KIAA1210: variants seen among roughly 807,000 people sequenced by gnomAD.
KIAA1210 encodes KIAA1210, also known as acrosomal protein KIAA1210.
KIAA1210 carries 48 observed loss-of-function variants against 78.9 expected under a neutral mutation model. The ratio of observed to expected loss-of-function variants is 0.61; its 90% confidence interval spans 0.48 to 0.77. The LOEUF is 0.77. Among genes scored for constraint, KIAA1210 ranks in the 30% least tolerant of loss-of-function variants. KIAA1210 has a pLI of 0.00. For missense variants in KIAA1210, 1,108 were observed against 1,100.0 expected (o/e 1.01, Z -0.10); for synonymous variants, 406 against 404.5 (o/e 1.00, Z -0.04).
In KIAA1210 at chrX:119,089,252, C is replaced by T. The variant is rs1171153668; in HGVS notation, c.1450G>A (p.Ala484Thr). 1 of 1,211,506 alleles carries T rather than the reference C, an allele frequency of 8.3e-7. No homozygotes were observed. Among genetic ancestry groups the T allele is most frequent in the Non-Finnish European group, 1.1e-6 (1 of 895,182 alleles). Residue 484 changes from alanine (A) to threonine (T), a missense_variant, in exon 9 of 12, where the codon GCT becomes ACT. Physicochemically the swap from Ala to Thr is moderately conservative, Grantham distance 58 (BLOSUM62 0). This residue lies in a region of KIAA1210 where 672 missense variants were observed against 607.1 expected (regional missense o/e 1.11). Transcript: ENST00000691062. Reference sequence around the variant, plus strand: ...GAAGCTCTGGCTTCTGTCTTCTCAGCTCCAGAAGCTGCATCTTCATGGTAT... The same window carrying T: ...GAAGCTCTGGCTTCTGTCTTCTCAGTTCCAGAAGCTGCATCTTCATGGTAT... ...QPYHEDAASG[A>T]EKTEARASLS... is the part of the protein sequence containing the mutation.
chrX:119,081,253 C>CG lies in KIAA1210; in HGVS notation c.*75dup, dbSNP rs1926946768. ...CTGCACTCCAATCTGGGTAACAGAGCGAGACTCTGTCTCAAAAAAAAAAAA... is the reference window on the plus strand; with the variant it reads ...CTGCACTCCAATCTGGGTAACAGAGCGGAGACTCTGTCTCAAAAAAAAAAAA... On this transcript the variant is annotated 3_prime_UTR_variant, in exon 12 of 12. Coordinates refer to ENST00000691062, the MANE Select transcript of KIAA1210 (RefSeq NM_001394962.1). 1.2e-6 allele frequency: 1 copy of CG among 857,097 alleles called. No individual in the cohort carries two copies. Among genetic ancestry groups the CG allele is most frequent in the African/African-American group, 2.9e-5 (1 of 34,903 alleles). The allele number at this position is 857,097 out of a possible 1,213,427, so 70.6% of individuals were successfully genotyped here.
At chrX:119,135,541 G>T (rs1928891974) in intron 2 of KIAA1210, among the ~76,000 whole-genome samples, 1 of 111,580 alleles carries the variant, frequency 9.0e-6, no homozygotes, top group African/African-American at 3.3e-5. Flanking sequence ...GAATTGAGGG[G>T]CCCTAAGGAT....
At chrX:119,137,330 A>G (rs1000359288) in intron 2 of KIAA1210, among the ~76,000 whole-genome samples, 1 of 112,528 alleles carries the variant, frequency 8.9e-6, no homozygotes, top group Non-Finnish European at 1.9e-5. Context: ...TCCAGAGCCA[A>G]TAAGTGCTAC....
chrX:119,138,211 GTTTTTTTTT>G (rs759946882), intron 2 of KIAA1210, among the ~76,000 whole-genome samples: 1 of 47,831 alleles, frequency 2.1e-5, no homozygotes, highest in African/African-American at 9.2e-5. Flanking sequence ...TGGTTTGGTT[GTTTTTTTTT>G]TTTTTTTTTT....
chrX:119,098,494 A>G, intron 6 of KIAA1210, among the ~76,000 whole-genome samples: 1 of 109,305 alleles, frequency 9.1e-6, no homozygotes, highest in Non-Finnish European at 1.9e-5. Context: ...AATCCCAGCT[A>G]CTTGGGAGGC....
chrX:119,099,519 T>C (rs781706195), intron 6 of KIAA1210, among the ~76,000 whole-genome samples: 2 of 112,753 alleles, frequency 1.8e-5, no homozygotes, highest in African/African-American at 3.2e-5. Flanking sequence ...CATCTGACTA[T>C]GGAGCTCAAG....
At position 119,137,250 on chromosome X, in the gene KIAA1210, TAAGTAACTGCCCAGGGGCACATGAC is replaced by T. The variant is rs1159147097; in HGVS notation, c.410+10198_410+10222del. ...TTTGTAGATGAGGAAACAGAAAGGC[TAAGTAACTGCCCAGGGGCACATGAC>T]AAGTTCGAATTCTGAAGGTAGGATT... On this transcript the variant is annotated intron_variant, in intron 2 of 13. Coordinates refer to the KIAA1210 transcript ENST00000402510. Among the ~76,000 whole-genome samples the T allele has an allele frequency of 3.6e-5, 4 of 112,448 alleles. No homozygotes were observed. The East Asian group carries it at 1.1e-3, about 31-fold the overall frequency.
In KIAA1210 at chrX:119,088,570, T is replaced by A; in HGVS notation, c.2132A>T (p.Asn711Ile). 8.3e-7 allele frequency: 1 copy of A among 1,210,845 alleles called. No homozygotes were observed. ...HPAQALGKPK[N>I]QQEVSSASNN... Reference sequence around the variant, plus strand: ...TGAAGCAGAGGAGACTTCTTGTTGGTTTTTGGGCTTTCCCAAGGCCTGAGC... The same window carrying A: ...TGAAGCAGAGGAGACTTCTTGTTGGATTTTGGGCTTTCCCAAGGCCTGAGC... Residue 711 changes from asparagine (N) to isoleucine (I), a missense_variant, in exon 9 of 12, where the codon AAC (asparagine) becomes ATC (isoleucine). Physicochemically the swap from Asn to Ile is moderately radical, Grantham distance 149. This residue lies in a region of KIAA1210 where 672 missense variants were observed against 607.1 expected (regional missense o/e 1.11). Coordinates refer to ENST00000691062, the MANE Select transcript of KIAA1210 (RefSeq NM_001394962.1).
intron 1 of KIAA1210, among the ~76,000 whole-genome samples, chrX:119,124,488 C>T (rs1458540160): frequency 2.7e-5 from 3 of 111,917 alleles, no homozygotes; most frequent in Non-Finnish European, 5.6e-5. Flanking sequence ...GGGTTGGGGC[C>T]CATTAACTCT....
chrX:119,149,787 G>A (rs1470167821), intron 1 of KIAA1210, among the ~76,000 whole-genome samples: 1 of 111,417 alleles, frequency 9.0e-6, no homozygotes, highest in Non-Finnish European at 1.9e-5. Flanking sequence ...CTTGGAATAA[G>A]TTTAGAAAAT....
At chrX:119,104,926 G>T in intron 6 of KIAA1210, 66 bp downstream of exon 6, 1 of 1,022,918 alleles carries the variant, frequency 9.8e-7, no homozygotes, top group South Asian at 2.2e-5. Flanking sequence ...GAGAATAGAT[G>T]ATACAAGAAG....
At chrX:119,101,453 G>A (rs1432037568) in intron 6 of KIAA1210, among the ~76,000 whole-genome samples, 1 of 110,908 alleles carries the variant, frequency 9.0e-6, no homozygotes, top group Non-Finnish European at 1.9e-5. Flanking sequence ...TTCTATGTGA[G>A]TCAAAAGCTA....
upstream of KIAA1210, among the ~76,000 whole-genome samples, chrX:119,128,495 T>G (rs1157940517): frequency 9.3e-6 from 1 of 107,315 alleles, no homozygotes; most frequent in East Asian, 3.0e-4. Context: ...AATCTCAGGA[T>G]CTTTGCATTT....
chrX:119,146,083 A>C (rs765490195), intron 2 of KIAA1210, among the ~76,000 whole-genome samples: 1 of 112,527 alleles, frequency 8.9e-6, no homozygotes, highest in African/African-American at 3.2e-5. Context: ...GAAATAACAC[A>C]CAACAAAAAA....
intron 5 of KIAA1210, among the ~76,000 whole-genome samples, chrX:119,106,169 G>A (rs1927888487): frequency 9.0e-6 from 1 of 111,085 alleles, no homozygotes; most frequent in South Asian, 3.9e-4. Flanking sequence ...GAGCTCTTGG[G>A]GAGAGGCCAT....
chrX:119,143,726 CTTTG>C lies in KIAA1210; in HGVS notation c.410+3743_410+3746del, dbSNP rs757907373. 8.0e-5 allele frequency among the ~76,000 whole-genome samples: 9 copies of C among 112,120 alleles called. No individual in the cohort carries two copies. In the South Asian group the frequency reaches 2.7e-3, roughly 33 times the overall value. On this transcript the variant is annotated intron_variant, in intron 2 of 13. Coordinates refer to the KIAA1210 transcript ENST00000402510. The stretch of plus-strand genomic sequence containing the variant: ...ACTACCTAATTGGTTAATGGTCACT[CTTTG>C]TTTGTCAACATAAGGTGACAAGGGA...
chrX:119,127,293 C>T (rs1399612918), intron 1 of KIAA1210, among the ~76,000 whole-genome samples: 1 of 107,035 alleles, frequency 9.3e-6, no homozygotes, highest in African/African-American at 3.4e-5. Context: ...GGTAGGCTAA[C>T]ATTGTCATTG....
chrX:119,147,134 G>A (rs1004067448), intron 2 of KIAA1210, among the ~76,000 whole-genome samples: 1 of 111,096 alleles, frequency 9.0e-6, no homozygotes. Context: ...GTGCAGCTAG[G>A]TATGCCGCAA....
At position 119,150,391 on chromosome X, in the gene KIAA1210, C is replaced by G. The variant is rs761708404; in HGVS notation, c.189G>C (p.Lys63Asn). Residue 63 changes from lysine (K) to asparagine (N), a missense_variant, in exon 1 of 14, where the codon AAG (lysine) becomes AAC (asparagine). Lys to Asn is a moderately conservative substitution (Grantham distance 94). Transcript: ENST00000402510. ...TCACTGCAGCTGGGCCAAGCTCCCC[C>G]TTGGTGCTTCCCTCCTTCTTGCCTT... 1.8e-5 allele frequency: 22 copies of G among 1,209,487 alleles called. No homozygotes were observed. In the East Asian group the frequency reaches 4.2e-4, roughly 23 times the overall value.
Sources: allele counts gnomAD v4.1 joint callset (sites outside exome capture counted in the v4.1 genomes callset), GRCh38; gene constraint gnomAD v4.1.1; regional missense constraint gnomAD v4.1.1; transcripts MANE v1.5; gene names NCBI Gene and HGNC (gene_info 2026-07-23, HGNC 2026-07-21).